TGFBRAP1: variants seen among roughly 807,000 people sequenced by gnomAD.
The protein encoded by TGFBRAP1 is transforming growth factor beta receptor associated protein 1.
Under a neutral mutation model 83.2 loss-of-function variants are expected in TGFBRAP1, and 20 were observed. The observed-to-expected ratio is 0.24, with a 90% CI of 0.17 to 0.35. TGFBRAP1 has a LOEUF of 0.35. Among genes scored for constraint, TGFBRAP1 ranks in the 10% least tolerant of loss-of-function variants. TGFBRAP1 has a pLI of 1.00. For synonymous variants in TGFBRAP1, 415 were observed against 459.8 expected (o/e 0.90, Z 1.25); for missense variants, 950 against 1,099.4 (o/e 0.86, Z 1.92).
At chr2:105,284,285 T>C (rs937960776) in intron 5 of TGFBRAP1, 31 bp downstream of exon 5, 28 of 1,604,540 alleles carry the variant, frequency 1.7e-5, no homozygotes, top group Non-Finnish European at 3.4e-6. Context: ...GACACTGTAG[T>C]GGCAGTCTTG....
chr2:105,300,724 A>G (rs1002562120), intron 2 of TGFBRAP1, among the ~76,000 whole-genome samples: 1 of 152,180 alleles, frequency 6.6e-6, no homozygotes, highest in East Asian at 1.9e-4. Flanking sequence ...GGCATGAGCC[A>G]CTGCGCCCAG....
chr2:105,249,497 C>T, the TGFBRAP1 span: 1 of 152,144 alleles, frequency 6.6e-6, no homozygotes, highest in African/African-American at 2.4e-5. Context: ...GCCCCCAACA[C>T]ACAGAGTTCT....
At chr2:105,253,150 T>C in the TGFBRAP1 span, among the ~76,000 whole-genome samples, 1 of 152,006 alleles carries the variant, frequency 6.6e-6, no homozygotes, top group East Asian at 1.9e-4. Context: ...GCTTGTTTTT[T>C]GAGATGGAGA....
intron 4 of TGFBRAP1, among the ~76,000 whole-genome samples, chr2:105,287,239 C>T (rs1350304033): frequency 6.6e-6 from 1 of 152,058 alleles, no homozygotes; most frequent in Non-Finnish European, 1.5e-5. Flanking sequence ...GGTAGCACAG[C>T]GTTTCTGCCT....
intron 1 of TGFBRAP1, among the ~76,000 whole-genome samples, chr2:105,318,280 G>C (rs1392519222): frequency 1.3e-5 from 2 of 152,190 alleles, no homozygotes; most frequent in Non-Finnish European, 2.9e-5. Flanking sequence ...TGAATCTTAA[G>C]AGAATCTTAA....
intron 4 of TGFBRAP1, among the ~76,000 whole-genome samples, chr2:105,293,093 G>C (rs1056942466): frequency 6.6e-6 from 1 of 152,174 alleles, no homozygotes; most frequent in African/African-American, 2.4e-5. Context: ...GCTGATATGG[G>C]GGAATGACGA....
At position 105,267,408 on chromosome 2, in the gene TGFBRAP1, G is replaced by A. The variant is rs1676982647; in HGVS notation, c.2558C>T (p.Ser853Leu). ...TCAAGTCCGAGTGCCAGGACTGGAT[G>A]AGCTGGGGTTTGTGTGTCTGCTGGC... ...CAASRHTNPS[S>L]SSPGTRT Residue 853 changes from serine to leucine, a missense_variant, in exon 12 of 12, where the codon TCA (serine) becomes TTA (leucine). Transcript: ENST00000393359. 4 of 1,614,102 alleles carry A rather than the reference G, an allele frequency of 2.5e-6. No homozygotes were observed. Among genetic ancestry groups the A allele is most frequent in the African/African-American group, 1.3e-5 (1 of 74,922 alleles).
chr2:105,316,481 ACG>A lies in TGFBRAP1; in HGVS notation c.-17-8165_-17-8164del, dbSNP rs376567689. Among the ~76,000 whole-genome samples the A allele has an allele frequency of 3.2e-3, 299 of 94,498 alleles. 1 individual carries two copies. Among genetic ancestry groups the A allele is most frequent in the Admixed American group, 5.1e-3 (56 of 10,876 alleles). 62.0% of individuals were successfully genotyped at this position (94,498 alleles called of 152,430 possible). On this transcript the variant is annotated intron_variant, in intron 1 of 11. Coordinates refer to ENST00000393359, the MANE Select transcript of TGFBRAP1 (RefSeq NM_004257.6). ...TGTGTGTGCGCGCGCGCGCGCGCGCACGCGCACATAACTCAAAAAGCAGATTC... is the reference window on the plus strand; with the variant it reads ...TGTGTGTGCGCGCGCGCGCGCGCGCACGCACATAACTCAAAAAGCAGATTC...
chr2:105,267,761 C>G (rs928218365), intron 11 of TGFBRAP1: 2 of 985,294 alleles, frequency 2.0e-6, no homozygotes, highest in Admixed American at 6.2e-5. Context: ...AAGAAAGTTA[C>G]ACAATTGCTT....
At chr2:105,273,779 G>A in intron 8 of TGFBRAP1, 89 bp from the exon 9 acceptor site, 1 of 1,475,662 alleles carries the variant, frequency 6.8e-7, no homozygotes, top group Middle Eastern at 1.8e-4. Flanking sequence ...TCAAGCTTTG[G>A]ATAAAATCAT....
intron 11 of TGFBRAP1, among the ~76,000 whole-genome samples, chr2:105,268,987 T>C (rs1042117202): frequency 5.3e-5 from 8 of 152,228 alleles, no homozygotes; most frequent in African/African-American, 1.9e-4. Context: ...CAGCACATGC[T>C]GGGTAAGCGC....
intron 4 of TGFBRAP1, among the ~76,000 whole-genome samples, chr2:105,291,570 C>T (rs112957275): frequency 0.018 from 2,773 of 152,218 alleles, 45 homozygotes; most frequent in Non-Finnish European, 0.029. Flanking sequence ...TAGGTACATA[C>T]AATGGAATAT....
chr2:105,297,245 C>A (rs1364148754), intron 3 of TGFBRAP1, among the ~76,000 whole-genome samples: 2 of 152,228 alleles, frequency 1.3e-5, no homozygotes, highest in African/African-American at 2.4e-5. Flanking sequence ...CTCTTTCTGT[C>A]TTCTGTATCA....
intron 4 of TGFBRAP1, among the ~76,000 whole-genome samples, chr2:105,293,347 T>C (rs550159443): frequency 6.6e-6 from 1 of 152,346 alleles, no homozygotes; most frequent in East Asian, 1.9e-4. Context: ...TGTAATATAA[T>C]TTAAGGCTTG....
chr2:105,272,137 C>T (rs1259246559), intron 10 of TGFBRAP1, among the ~76,000 whole-genome samples: 1 of 152,166 alleles, frequency 6.6e-6, no homozygotes, highest in East Asian at 1.9e-4. Context: ...AGTATAAATG[C>T]AGAAATTCTT....
At chr2:105,267,692 A>C in intron 11 of TGFBRAP1, 133 bp from the exon 12 acceptor site, 1 of 1,476,694 alleles carries the variant, frequency 6.8e-7, no homozygotes. Context: ...TTTAATATCA[A>C]CTTCTTGAAA....
intron 1 of TGFBRAP1, chr2:105,327,123 G>A (rs1213369454): frequency 3.3e-5 from 5 of 152,106 alleles, no homozygotes; most frequent in Admixed American, 3.3e-4. Context: ...AGACCAAGAT[G>A]AAGACACTTA....
In TGFBRAP1 at chr2:105,284,377, G is replaced by A. The variant is rs1428046168; in HGVS notation, c.1060C>T (p.Gln354Ter). 2 of 1,613,954 alleles carry A rather than the reference G, an allele frequency of 1.2e-6. No individual in the cohort carries two copies. Among genetic ancestry groups the A allele is most frequent in the Non-Finnish European group, 1.7e-6 (2 of 1,179,904 alleles). Reference protein sequence around the residue: ...KFQVMYRRILQQAGFIQFAQL... With the variant: ...KFQVMYRRIL ...GCAAACTGTATAAATCCCGCCTGCT[G>A]CAGAATCCTTCTGTACATTACCTGC... Residue 354 changes from glutamine to a stop codon, truncating the protein, a stop_gained, in exon 5 of 12, where the codon CAG (glutamine) becomes TAG (stop). Coordinates refer to ENST00000393359, the MANE Select transcript of TGFBRAP1 (RefSeq NM_004257.6). LOFTEE classifies it high-confidence loss of function.
chr2:105,302,009 T>TAAAAAAAAAAAAAAAAAAAAAAC (rs35548542), intron 2 of TGFBRAP1, among the ~76,000 whole-genome samples: 1 of 75,106 alleles, frequency 1.3e-5, no homozygotes, highest in Non-Finnish European at 2.6e-5. Flanking sequence ...TAAAGAATAC[T>TAAAAAAAAAAAAAAAAAAAAAAC]AAAAAAAAAA....
Sources: allele counts gnomAD v4.1 joint callset (sites outside exome capture counted in the v4.1 genomes callset), GRCh38; gene constraint gnomAD v4.1.1; transcripts MANE v1.5; gene names NCBI Gene and HGNC (gene_info 2026-07-23, HGNC 2026-07-21).